Variants in PPFIA2 observed in about 807,000 individuals in gnomAD.
PPFIA2 encodes the protein PPFI scaffold protein A2.
In PPFIA2, 46 loss-of-function variants were observed where a neutral mutation model predicts 175.5. The observed-to-expected ratio is 0.26, with a 90% confidence interval of 0.21 to 0.34. PPFIA2 has a LOEUF of 0.34. Ranked by LOEUF, PPFIA2 falls within the 10% of genes least tolerant of loss-of-function variation. PPFIA2 has a pLI of 1.00. For synonymous variants in PPFIA2, 568 were observed against 511.4 expected, an observed-to-expected ratio of 1.11 and a Z score of -1.49; for missense variants, 1,179 against 1,506.1, an observed-to-expected ratio of 0.78 and a Z score of 3.60.
chr12:81,281,505 T>C, intron 26 of PPFIA2, 55 bp from the exon 27 acceptor site: 2 of 1,184,392 alleles, frequency 1.7e-6, no homozygotes, highest in Non-Finnish European at 2.4e-6. Context: ...AGATGGTAAT[T>C]GGATAATATT....
chr12:81,457,117 G>A (rs909150053), intron 5 of PPFIA2, among the ~76,000 whole-genome samples: 7 of 151,814 alleles, frequency 4.6e-5, no homozygotes, highest in Admixed American at 3.9e-4. Context: ...CCAAGTAGCT[G>A]GGACTGCAGG....
chr12:81,593,840 G>T (rs535823504), intron 4 of PPFIA2, among the ~76,000 whole-genome samples: 2 of 152,164 alleles, frequency 1.3e-5, no homozygotes, highest in South Asian at 4.1e-4. Flanking sequence ...TTTATGCCAA[G>T]CTGGGAAGAT....
intron 7 of PPFIA2, among the ~76,000 whole-genome samples, chr12:81,411,445 C>G (rs896864628): frequency 6.6e-6 from 1 of 152,016 alleles, no homozygotes; most frequent in African/African-American, 2.4e-5. Flanking sequence ...GTTATATTTT[C>G]AAGCCAATCT....
intron 3 of PPFIA2, among the ~76,000 whole-genome samples, chr12:81,680,699 A>T (rs992115286): frequency 2.0e-5 from 3 of 151,916 alleles, no homozygotes; most frequent in African/African-American, 7.2e-5. Context: ...CACCAGGTCC[A>T]TCTTCAGGAT....
At chr12:81,370,365 T>A (rs1394086678) in intron 11 of PPFIA2, among the ~76,000 whole-genome samples, 1 of 151,842 alleles carries the variant, frequency 6.6e-6, no homozygotes, top group African/African-American at 2.4e-5. Context: ...AATGGCCTAC[T>A]CTCAGATACT....
intron 4 of PPFIA2, among the ~76,000 whole-genome samples, chr12:81,481,188 T>C (rs2058174234): frequency 6.6e-6 from 1 of 152,148 alleles, no homozygotes; most frequent in African/African-American, 2.4e-5. Flanking sequence ...TCACAAGGGA[T>C]GTGTAGGACC....
chr12:81,353,414 A>G, intron 16 of PPFIA2, 75 bp from the exon 17 acceptor site: 2 of 1,034,576 alleles, frequency 1.9e-6, no homozygotes, highest in Non-Finnish European at 3.0e-6. Flanking sequence ...AAAGACAGCA[A>G]CAACAACAGG....
chr12:81,280,346 G>C (rs1408652182), intron 27 of PPFIA2, among the ~76,000 whole-genome samples: 1 of 152,034 alleles, frequency 6.6e-6, no homozygotes, highest in Non-Finnish European at 1.5e-5. Context: ...ATTCAACAGT[G>C]TCAACAACTG....
At chr12:81,549,711 A>AT (rs1197892474) in intron 4 of PPFIA2, among the ~76,000 whole-genome samples, 1 of 151,984 alleles carries the variant, frequency 6.6e-6, no homozygotes, top group Non-Finnish European at 1.5e-5. Flanking sequence ...ATCAAATAGT[A>AT]ATATGCATAA....
At chr12:81,675,856 T>C (rs2072411227) in intron 4 of PPFIA2, among the ~76,000 whole-genome samples, 1 of 152,014 alleles carries the variant, frequency 6.6e-6, no homozygotes, top group Admixed American at 6.6e-5. Context: ...ATACTTATGA[T>C]AAAAATAAAA....
chr12:81,275,854 G>A (rs2040373121), intron 28 of PPFIA2, among the ~76,000 whole-genome samples: 1 of 149,716 alleles, frequency 6.7e-6, no homozygotes, highest in East Asian at 2.0e-4. Flanking sequence ...GGGCAATCTC[G>A]GCTCACTGCA....
chr12:81,408,970 A>T (rs2043413923), intron 7 of PPFIA2, among the ~76,000 whole-genome samples: 1 of 152,142 alleles, frequency 6.6e-6, no homozygotes. Flanking sequence ...AAAGGGGGAA[A>T]GTTTGTAGTT....
At chr12:81,373,223 A>G (rs183327745) in intron 11 of PPFIA2, among the ~76,000 whole-genome samples, 3 of 151,880 alleles carry the variant, frequency 2.0e-5, no homozygotes, top group Admixed American at 6.6e-5. Context: ...TTAAGCTACA[A>G]TTTTACAAAA....
chr12:81,710,503 T>C (rs1382489669), intron 3 of PPFIA2, among the ~76,000 whole-genome samples: 2 of 152,164 alleles, frequency 1.3e-5, no homozygotes, highest in East Asian at 3.9e-4. Context: ...TGATGTACAG[T>C]ATAATACATG....
chr12:81,430,377 A>G (rs1253110872), intron 7 of PPFIA2: 1 of 152,104 alleles, frequency 6.6e-6, no homozygotes, highest in Non-Finnish European at 1.5e-5. Context: ...TTTTAATCGC[A>G]GCTATTCTAC....
At chr12:81,571,891 T>C (rs1042924923) in intron 4 of PPFIA2, among the ~76,000 whole-genome samples, 9 of 152,112 alleles carry the variant, frequency 5.9e-5, no homozygotes, top group Non-Finnish European at 8.8e-5. Context: ...ATCCAGTGTA[T>C]TCCATCTACT....
intron 4 of PPFIA2, among the ~76,000 whole-genome samples, chr12:81,568,863 G>A (rs1439531618): frequency 6.6e-6 from 1 of 151,480 alleles, no homozygotes; most frequent in South Asian, 2.1e-4. Context: ...GGTATAATGG[G>A]GAAATTAAAA....
At chr12:81,658,296 A>AAAAAAAAAG (rs2068129308) in intron 4 of PPFIA2, among the ~76,000 whole-genome samples, 1 of 9,586 alleles carries the variant, frequency 1.0e-4, no homozygotes, top group Non-Finnish European at 2.1e-4. Context: ...AAAAGAAAAG[A>AAAAAAAAAG]AAAAAAAAAA....
intron 4 of PPFIA2, among the ~76,000 whole-genome samples, chr12:81,480,120 T>A (rs1407189374): frequency 6.6e-6 from 1 of 152,188 alleles, no homozygotes; most frequent in Non-Finnish European, 1.5e-5. Flanking sequence ...TCTTTCTTTT[T>A]TTCTCTAATC....
Sources: allele counts gnomAD v4.1 joint callset (sites outside exome capture counted in the v4.1 genomes callset), GRCh38; gene constraint gnomAD v4.1.1; transcripts MANE v1.5; gene names NCBI Gene and HGNC (gene_info 2026-07-23, HGNC 2026-07-21).